Variants in LRRTM4 observed in about 807,000 individuals in gnomAD.
LRRTM4 encodes the protein leucine rich repeat transmembrane neuronal 4, also known as leucine-rich repeat transmembrane neuronal protein 4.
Under a neutral mutation model 47.6 loss-of-function variants are expected in LRRTM4, and 25 were observed. The observed-to-expected ratio is 0.53, with a 90% CI of 0.38 to 0.73. The LOEUF (loss-of-function observed/expected upper bound fraction) is 0.73, where lower values mean the gene tolerates loss of function less well. Ranked by LOEUF, LRRTM4 falls within the 30% of genes least tolerant of loss-of-function variation. LRRTM4 has a pLI of 0.00. For missense variants in LRRTM4, 638 were observed against 713.4 expected (o/e 0.89, Z 1.20); for synonymous variants, 311 against 269.5 (o/e 1.15, Z -1.51).
intron 3 of LRRTM4, among the ~76,000 whole-genome samples, chr2:77,223,789 G>A (rs1674718244): frequency 1.3e-5 from 2 of 152,150 alleles, no homozygotes; most frequent in South Asian, 4.1e-4. Flanking sequence ...ACTGCCCAAG[G>A]TAATTGATAG....
intron 3 of LRRTM4, among the ~76,000 whole-genome samples, chr2:77,335,900 C>T: frequency 6.6e-6 from 1 of 152,094 alleles, no homozygotes; most frequent in East Asian, 1.9e-4. Flanking sequence ...ATGGACCATA[C>T]AGCCTCTAGC....
intron 3 of LRRTM4, among the ~76,000 whole-genome samples, chr2:76,792,546 G>A (rs1675031881): frequency 6.6e-6 from 1 of 151,524 alleles, no homozygotes; most frequent in Admixed American, 6.6e-5. Flanking sequence ...ATATACTGAT[G>A]GCACAAGGTA....
chr2:77,482,961 A>T (rs1677767845), intron 3 of LRRTM4, among the ~76,000 whole-genome samples: 1 of 151,626 alleles, frequency 6.6e-6, no homozygotes, highest in East Asian at 2.0e-4. Flanking sequence ...TCTCTACTAA[A>T]AATACAAAAA....
intron 3 of LRRTM4, among the ~76,000 whole-genome samples, chr2:77,278,329 T>A (rs1305347057): frequency 6.6e-6 from 1 of 152,140 alleles, no homozygotes; most frequent in African/African-American, 2.4e-5. Flanking sequence ...ATAAATGAGA[T>A]TAAAAACCAA....
intron 3 of LRRTM4, among the ~76,000 whole-genome samples, chr2:76,934,708 T>C (rs974608907): frequency 1.3e-5 from 2 of 152,172 alleles, no homozygotes; most frequent in Non-Finnish European, 2.9e-5. Context: ...TGGAAACAGC[T>C]CACCACTACT....
At chr2:77,214,045 C>A (rs1050041025) in intron 3 of LRRTM4, among the ~76,000 whole-genome samples, 7 of 152,010 alleles carry the variant, frequency 4.6e-5, no homozygotes, top group African/African-American at 1.7e-4. Flanking sequence ...GTGGAATGAT[C>A]AAGGTCTCCT....
chr2:77,240,320 G>A (rs959613674), intron 3 of LRRTM4, among the ~76,000 whole-genome samples: 3 of 152,024 alleles, frequency 2.0e-5, no homozygotes, highest in African/African-American at 7.2e-5. Flanking sequence ...CCATCTCAAC[G>A]AATGCAGAAT....
At chr2:76,926,514 A>G (rs965351111) in intron 3 of LRRTM4, among the ~76,000 whole-genome samples, 3 of 152,172 alleles carry the variant, frequency 2.0e-5, no homozygotes, top group African/African-American at 4.8e-5. Flanking sequence ...CGAAAAGCAC[A>G]TATTGGAAAC....
At chr2:77,482,926 T>TGTAAA (rs1677762873) in intron 3 of LRRTM4, among the ~76,000 whole-genome samples, 1 of 151,510 alleles carries the variant, frequency 6.6e-6, no homozygotes, top group Non-Finnish European at 1.5e-5. Flanking sequence ...TTTAAGACCA[T>TGTAAA]CCTGGCCAAC....
At chr2:77,087,018 G>T (rs1030207263) in intron 3 of LRRTM4, among the ~76,000 whole-genome samples, 3 of 151,922 alleles carry the variant, frequency 2.0e-5, no homozygotes, top group Admixed American at 6.6e-5. Context: ...GCGTAATATT[G>T]CAATTATCAG....
chr2:76,892,479 A>G (rs1435162211), intron 3 of LRRTM4, among the ~76,000 whole-genome samples: 1 of 151,756 alleles, frequency 6.6e-6, no homozygotes, highest in Non-Finnish European at 1.5e-5. Flanking sequence ...TGGGAAGAAC[A>G]AATAGGCCCA....
intron 3 of LRRTM4, among the ~76,000 whole-genome samples, chr2:77,210,655 T>G (rs1558635057): frequency 1.3e-5 from 2 of 152,128 alleles, no homozygotes; most frequent in African/African-American, 4.8e-5. Flanking sequence ...CCAATCAAAT[T>G]CAGTTTGACT....
intron 3 of LRRTM4, among the ~76,000 whole-genome samples, chr2:77,006,832 A>T (rs1373639946): frequency 6.6e-6 from 1 of 152,156 alleles, no homozygotes; most frequent in East Asian, 1.9e-4. Context: ...TCAAAGTTGA[A>T]CACCAAGAGT....
chr2:77,415,435 T>A (rs2103869002), intron 3 of LRRTM4, among the ~76,000 whole-genome samples: 1 of 152,306 alleles, frequency 6.6e-6, no homozygotes, highest in Middle Eastern at 3.4e-3. Context: ...TTTGTAACTA[T>A]CAAGATTTCT....
intron 3 of LRRTM4, among the ~76,000 whole-genome samples, chr2:76,977,033 A>G (rs1178365109): frequency 6.6e-6 from 1 of 151,596 alleles, no homozygotes; most frequent in Non-Finnish European, 1.5e-5. Context: ...GTGTGTTTAC[A>G]TGTGTCAGTG....
At chr2:76,997,021 G>C (rs1367454850) in intron 3 of LRRTM4, among the ~76,000 whole-genome samples, 1 of 152,112 alleles carries the variant, frequency 6.6e-6, no homozygotes, top group Non-Finnish European at 1.5e-5. Flanking sequence ...AGAGCTAAAG[G>C]ACAGGGTGTT....
chr2:76,814,959 A>G (rs2103836577), intron 3 of LRRTM4, among the ~76,000 whole-genome samples: 1 of 152,250 alleles, frequency 6.6e-6, no homozygotes, highest in Middle Eastern at 3.4e-3. Context: ...TGTACTTTGG[A>G]AGGACACATA....
chr2:76,795,977 G>A (rs1675289981), intron 3 of LRRTM4, among the ~76,000 whole-genome samples: 1 of 146,760 alleles, frequency 6.8e-6, no homozygotes, highest in African/African-American at 2.6e-5. Context: ...GCGAGCCGAA[G>A]CAGGGCGAGG....
chr2:76,826,789 T>A (rs989922844), intron 3 of LRRTM4, among the ~76,000 whole-genome samples: 1 of 151,940 alleles, frequency 6.6e-6, no homozygotes, highest in Non-Finnish European at 1.5e-5. Flanking sequence ...ACATTAACCA[T>A]CCTCTCAAAA....
Sources: allele counts gnomAD v4.1 joint callset (sites outside exome capture counted in the v4.1 genomes callset), GRCh38; gene constraint gnomAD v4.1.1; transcripts MANE v1.5; gene names NCBI Gene and HGNC (gene_info 2026-07-23, HGNC 2026-07-21).